Variants in ANO4 observed in about 807,000 individuals in gnomAD.
ANO4 encodes the protein anoctamin 4, also known as anoctamin-4.
In ANO4, 69 loss-of-function variants were observed where a neutral mutation model predicts 141.9. The observed-to-expected ratio is 0.49, with a 90% confidence interval of 0.40 to 0.59. The LOEUF is 0.59. Among genes scored for constraint, ANO4 ranks in the 20% least tolerant of loss-of-function variants. ANO4 has a pLI of 0.00. For missense variants in ANO4, 894 were observed against 1,162.2 expected (o/e 0.77, Z 3.36); for synonymous variants, 350 against 394.3 (o/e 0.89, Z 1.33).
chr12:101,016,039 C>T (rs1305124413), intron 8 of ANO4, among the ~76,000 whole-genome samples: 1 of 152,020 alleles, frequency 6.6e-6, no homozygotes, highest in Non-Finnish European at 1.5e-5. Context: ...AGTGTGGAGG[C>T]AGTAGTTCAG....
chr12:100,951,446 A>G (rs1057036508), intron 5 of ANO4, among the ~76,000 whole-genome samples: 3 of 152,222 alleles, frequency 2.0e-5, no homozygotes, highest in Non-Finnish European at 4.4e-5. Flanking sequence ...ATGCTCATCA[A>G]TGGCAGATTG....
chr12:101,082,271 A>T (rs968680783), intron 15 of ANO4, among the ~76,000 whole-genome samples: 1 of 152,252 alleles, frequency 6.6e-6, no homozygotes, highest in Non-Finnish European at 1.5e-5. Flanking sequence ...ACCATGTAAG[A>T]TGTGTCTTTG....
chr12:101,119,503 T>G (rs1222974716), intron 25 of ANO4, among the ~76,000 whole-genome samples: 3 of 152,156 alleles, frequency 2.0e-5, no homozygotes, highest in African/African-American at 7.2e-5. Flanking sequence ...AAGTGTATAC[T>G]TATATGCTAT....
chr12:101,034,929 T>A (rs1468899357), intron 9 of ANO4, among the ~76,000 whole-genome samples: 1 of 152,190 alleles, frequency 6.6e-6, no homozygotes, highest in East Asian at 1.9e-4. Flanking sequence ...GACCTTGAAC[T>A]CTCATATGCT....
intron 3 of ANO4, among the ~76,000 whole-genome samples, chr12:100,766,827 G>C (rs2033104689): frequency 6.6e-6 from 1 of 152,010 alleles, no homozygotes; most frequent in African/African-American, 2.4e-5. Flanking sequence ...TCTTCTACTA[G>C]TGTTGTGTTT....
chr12:100,875,869 G>T (rs1486511248), intron 1 of ANO4, among the ~76,000 whole-genome samples: 1 of 151,872 alleles, frequency 6.6e-6, no homozygotes, highest in Non-Finnish European at 1.5e-5. Context: ...TGGGGGGTGG[G>T]GATAACTTAA....
intron 14 of ANO4, among the ~76,000 whole-genome samples, chr12:101,052,338 G>T (rs536270367): frequency 1.3e-5 from 2 of 152,230 alleles, no homozygotes; most frequent in East Asian, 3.9e-4. Flanking sequence ...TGTTCAGAAA[G>T]GTCCAAGGGT....
intron 1 of ANO4, among the ~76,000 whole-genome samples, chr12:100,842,630 C>G (rs2037333778): frequency 6.6e-6 from 1 of 152,018 alleles, no homozygotes; most frequent in Admixed American, 6.6e-5. Flanking sequence ...ATTTGTTTCT[C>G]CCAGTTCTCA....
chr12:100,718,262 G>A (rs776544239), intron 1 of ANO4, among the ~76,000 whole-genome samples: 2 of 152,206 alleles, frequency 1.3e-5, no homozygotes, highest in African/African-American at 4.8e-5. Flanking sequence ...AAGCCAGCAA[G>A]GCTTCTTATC....
intron 15 of ANO4, among the ~76,000 whole-genome samples, chr12:101,080,900 T>TATTATATATATATATATATATATATATAC (rs1194122665): frequency 7.6e-6 from 1 of 131,042 alleles, no homozygotes; most frequent in Non-Finnish European, 1.6e-5. Context: ...TATATATATA[T>TATTATATATATATATATATATATATATAC]ACATACACAT....
At chr12:101,039,207 A>C (rs61944932) in intron 10 of ANO4, 45,323 of 152,056 alleles carry the variant, frequency 0.3, 7,444 homozygotes, top group Non-Finnish European at 0.38. Context: ...CCTATCTTGA[A>C]AGAAGTGGGA....
chr12:101,002,658 G>A (rs939457160), intron 8 of ANO4, among the ~76,000 whole-genome samples: 2 of 152,082 alleles, frequency 1.3e-5, no homozygotes, highest in Admixed American at 1.3e-4. Context: ...TCTTCTTTAT[G>A]AAACATCTTA....
In ANO4 at chr12:101,082,339, A is replaced by G. The variant is rs569386817; in HGVS notation, c.1396-1339A>G. On this transcript the variant is annotated intron_variant, in intron 15 of 27. Transcript: ENST00000392977. ...CCTCCCCAGCCATGTGGAACTGTCC[A>G]TTAACCCTCTTTTTCTTTATAACTT... Among the ~76,000 whole-genome samples, 73 of 152,258 alleles carry G rather than the reference A, an allele frequency of 4.8e-4. 2 individuals are homozygous for G. The highest frequency in any genetic ancestry group is 3.4e-3 in the Middle Eastern group (1 of 294).
chr12:100,820,399 T>C (rs10860637), intron 1 of ANO4, among the ~76,000 whole-genome samples: 52,755 of 150,548 alleles, frequency 0.35, 9,567 homozygotes, highest in East Asian at 0.46. Context: ...CTGATTATTA[T>C]GTAGCATGAG....
At chr12:100,728,612 A>G (rs2031241345) in intron 1 of ANO4, among the ~76,000 whole-genome samples, 1 of 152,218 alleles carries the variant, frequency 6.6e-6, no homozygotes, top group Non-Finnish European at 1.5e-5. Flanking sequence ...TAATAGAGTT[A>G]TACCTTAAAA....
chr12:100,837,447 A>G (rs1593472533), intron 1 of ANO4, among the ~76,000 whole-genome samples: 2 of 152,220 alleles, frequency 1.3e-5, no homozygotes, highest in South Asian at 4.1e-4. Context: ...TATCTTTTAA[A>G]TAGTCTAACA....
At chr12:100,904,053 C>G (rs1056231431) in intron 2 of ANO4, among the ~76,000 whole-genome samples, 1 of 152,188 alleles carries the variant, frequency 6.6e-6, no homozygotes, top group Non-Finnish European at 1.5e-5. Context: ...AATTACTTGT[C>G]TATCCGTCCA....
At chr12:100,968,677 T>C (rs1368850163) in intron 5 of ANO4, among the ~76,000 whole-genome samples, 2 of 150,054 alleles carry the variant, frequency 1.3e-5, no homozygotes, top group African/African-American at 5.1e-5. Flanking sequence ...GGAAATACAG[T>C]CTTTCTTCTG....
chr12:101,087,909 G>A (rs146316906), intron 17 of ANO4, among the ~76,000 whole-genome samples: 6 of 152,128 alleles, frequency 3.9e-5, no homozygotes, highest in African/African-American at 7.2e-5. Flanking sequence ...GTCTCTTGCC[G>A]AGATTATTGC....
Sources: allele counts gnomAD v4.1 joint callset (sites outside exome capture counted in the v4.1 genomes callset), GRCh38; gene constraint gnomAD v4.1.1; transcripts MANE v1.5; gene names NCBI Gene and HGNC (gene_info 2026-07-23, HGNC 2026-07-21).